FAM234B: variants seen among roughly 807,000 people sequenced by gnomAD.
FAM234B encodes family with sequence similarity 234 member B, also known as protein FAM234B.
FAM234B carries 33 observed loss-of-function variants against 69.3 expected under a neutral mutation model. The observed-to-expected ratio is 0.48, with a 90% confidence interval of 0.36 to 0.64. FAM234B has a LOEUF of 0.64. Among genes scored for constraint, FAM234B ranks in the 30% least tolerant of loss-of-function variants. FAM234B has a pLI of 0.00. For synonymous variants in FAM234B, 306 were observed against 306.9 expected (o/e 1.00, Z 0.03); for missense variants, 697 against 769.7 (o/e 0.91, Z 1.12).
intron 4 of FAM234B, chr12:13,062,366 G>T (rs1250309545): frequency 6.4e-6 from 1 of 156,086 alleles, no homozygotes; most frequent in Non-Finnish European, 1.4e-5. Flanking sequence ...TGGTCGCGGG[G>T]TGCTTCTGAG....
chr12:13,053,236 GA>G (rs1864893703), intron 1 of FAM234B, among the ~76,000 whole-genome samples: 1 of 150,044 alleles, frequency 6.7e-6, no homozygotes, highest in Non-Finnish European at 1.5e-5. Flanking sequence ...ATTTTCTTTG[GA>G]TTTTTTTTGA....
At chr12:13,048,657 C>T (rs1044273550) in intron 1 of FAM234B, among the ~76,000 whole-genome samples, 32 of 152,126 alleles carry the variant, frequency 2.1e-4, no homozygotes, top group African/African-American at 2.4e-4. Flanking sequence ...ATATGTAGCC[C>T]GTACAGACTT....
chr12:13,077,336 T>A (rs996232989), intron 11 of FAM234B, among the ~76,000 whole-genome samples: 1 of 151,916 alleles, frequency 6.6e-6, no homozygotes, highest in African/African-American at 2.4e-5. Flanking sequence ...TAGTTACATA[T>A]GTATACATGT....
chr12:13,074,273 C>G (rs933069713), intron 10 of FAM234B, among the ~76,000 whole-genome samples: 3 of 152,116 alleles, frequency 2.0e-5, no homozygotes, highest in African/African-American at 7.2e-5. Context: ...CAAGATAAGT[C>G]TCAAGTGTAG....
At chr12:13,068,238 C>G in intron 7 of FAM234B, 66 bp from the exon 8 acceptor site, 1 of 1,591,240 alleles carries the variant, frequency 6.3e-7, no homozygotes, top group Non-Finnish European at 8.6e-7. Flanking sequence ...GAGAAAAAGC[C>G]AAAGTAAATG....
chr12:13,058,301 T>C, intron 2 of FAM234B, 150 bp from the exon 3 acceptor site: 3 of 689,840 alleles, frequency 4.3e-6, no homozygotes, highest in South Asian at 3.3e-5. Context: ...GGCTTTTCCA[T>C]GCACTTAGCA....
In FAM234B at chr12:13,081,230, A is replaced by G. The variant is rs2120517650; in HGVS notation, c.*600A>G. 6.6e-6 allele frequency: 1 copy of G among 152,360 alleles called. No homozygotes were observed. Among genetic ancestry groups the G allele is most frequent in the South Asian group, 2.1e-4 (1 of 4,828 alleles). 9.4% of individuals were successfully genotyped at this position (152,360 alleles called of 1,614,324 possible). On this transcript the variant is annotated 3_prime_UTR_variant, in exon 13 of 13. Coordinates refer to ENST00000197268, the MANE Select transcript of FAM234B (RefSeq NM_020853.2). ...GAGAAAGATTTATAGTGGAAGACTG[A>G]GTTAGCCATCCAAGCATTTTCATCT...
chr12:13,065,359 A>AT (rs1422173592), intron 5 of FAM234B, among the ~76,000 whole-genome samples: 2 of 152,128 alleles, frequency 1.3e-5, no homozygotes, highest in East Asian at 3.9e-4. Flanking sequence ...TTCCCTTTGC[A>AT]TTCTAGTATG....
intron 1 of FAM234B, among the ~76,000 whole-genome samples, chr12:13,051,452 C>T (rs1180250059): frequency 1.3e-5 from 2 of 152,154 alleles, no homozygotes; most frequent in Non-Finnish European, 2.9e-5. Context: ...AATCCAATTG[C>T]ACAATTATAG....
At chr12:13,077,314 CA>C (rs1362472042) in intron 11 of FAM234B, among the ~76,000 whole-genome samples, 1 of 151,664 alleles carries the variant, frequency 6.6e-6, no homozygotes, top group Non-Finnish European at 1.5e-5. Flanking sequence ...TACATGTGCA[CA>C]ATGTGCAGGT....
rs748155337 is a variant in FAM234B at position 13,076,115 on chromosome 12, C to T, written c.1614C>T (p.Asn538=). 23 of 1,613,928 alleles carry T rather than the reference C, an allele frequency of 1.4e-5. No individual in the cohort carries two copies. Among genetic ancestry groups the T allele is most frequent in the Non-Finnish European group, 1.9e-5 (22 of 1,179,906 alleles). ...CCTCCATCCTTCTGGATCTGGCCAA[C>T]ACCACCGGCACAGTGACGGCTTCAG... ...AFPSILLDLA[N]TTGTVTASEV... The change falls in exon 11 of 13, where the codon AAC becomes AAT. Residue 538 remains asparagine, a synonymous_variant. Coordinates refer to ENST00000197268, the MANE Select transcript of FAM234B (RefSeq NM_020853.2).
chr12:13,075,433 C>CTTTTTTTTTTTTTTTTTT (rs59012504), intron 10 of FAM234B, among the ~76,000 whole-genome samples: 6 of 137,506 alleles, frequency 4.4e-5, no homozygotes, highest in South Asian at 2.3e-4. Flanking sequence ...CTTTTCTTTT[C>CTTTTTTTTTTTTTTTTTT]TTTTTTTTTT....
intron 11 of FAM234B, among the ~76,000 whole-genome samples, chr12:13,078,010 T>C (rs1865181168): frequency 6.6e-6 from 1 of 151,276 alleles, no homozygotes; most frequent in Non-Finnish European, 1.5e-5. Context: ...TGCATTTCTC[T>C]GATGGCCAGT....
intron 3 of FAM234B, among the ~76,000 whole-genome samples, chr12:13,059,742 G>A (rs1055386838): frequency 1.3e-5 from 2 of 152,224 alleles, no homozygotes; most frequent in African/African-American, 4.8e-5. Context: ...TCTGGGTGGA[G>A]ATCTGCTGTA....
At chr12:13,050,767 G>T (rs147452374) in intron 1 of FAM234B, among the ~76,000 whole-genome samples, 19 of 152,092 alleles carry the variant, frequency 1.2e-4, no homozygotes, top group Admixed American at 1.2e-3. Flanking sequence ...TTGATGTGAG[G>T]ATTAAATGAA....
At chr12:13,056,010 A>C in intron 2 of FAM234B, 64 bp downstream of exon 2, 1 of 1,437,030 alleles carries the variant, frequency 7.0e-7, no homozygotes, top group Non-Finnish European at 9.2e-7. Flanking sequence ...TTACATTTAA[A>C]TTTTCCTCCA....
rs754305151 is a variant in FAM234B, at chr12:13,061,609, T to C, written c.567T>C (p.Leu189=). 1.9e-6 allele frequency: 3 copies of C among 1,613,856 alleles called. No homozygotes were observed. The Admixed American group carries it at 5.0e-5, about 27-fold the overall frequency. ...VSRPAANLVC[L]SGMNGSTLWS... The stretch of plus-strand genomic sequence containing the variant: ...GACCAGCTGCTAATCTTGTATGCCT[T>C]TCGGGGATGAATGGCAGCACACTGT... The change falls in exon 4 of 13, where the codon CTT becomes CTC. Residue 189 remains leucine (L), a synonymous_variant. Transcript: ENST00000197268.
In FAM234B at chr12:13,079,827, A is replaced by G; in HGVS notation, c.1681A>G (p.Thr561Ala). Residue 561 changes from threonine (T) to alanine (A), a missense_variant, in exon 12 of 13, where the codon ACC (threonine) becomes GCC (alanine). Thr to Ala is a moderately conservative substitution (Grantham distance 58). This residue lies in a region of FAM234B where 313 missense variants were observed against 305.5 expected (regional missense o/e 1.02). Transcript: ENST00000197268. The part of the protein sequence containing the change: ...NDLWKDAFYV[T>A]RTTGPSSEGH... ...CCTCTGGAAAGATGCCTTTTATGTT[A>G]CCAGGACAACAGGGCCAAGCTCCGA... is the stretch of plus-strand genomic sequence containing the variant. 1 of 1,614,014 alleles carries G rather than the reference A, an allele frequency of 6.2e-7. No individual in the cohort carries two copies. The highest frequency in any genetic ancestry group is 8.5e-7 in the Non-Finnish European group (1 of 1,179,968).
intron 1 of FAM234B, among the ~76,000 whole-genome samples, chr12:13,054,007 C>A (rs1344135731): frequency 6.6e-6 from 1 of 152,230 alleles, no homozygotes; most frequent in Non-Finnish European, 1.5e-5. Flanking sequence ...CTACCCGACC[C>A]CGCAGGCAGT....
Sources: gnomAD v4.1 joint callset for allele counts (sites outside exome capture counted in the v4.1 genomes callset) on GRCh38, gnomAD v4.1.1 for gene constraint, gnomAD v4.1.1 regional missense constraint, MANE v1.5 for transcripts, NCBI Gene and HGNC (gene_info 2026-07-23, HGNC 2026-07-21) for gene names.